Variants in SKAP1 observed in about 807,000 individuals in gnomAD.
SKAP1 encodes the protein src kinase-associated phosphoprotein 1.
Under a neutral mutation model 58.5 loss-of-function variants are expected in SKAP1, and 44 were observed. The ratio of observed to expected loss-of-function variants is 0.75; its 90% confidence interval spans 0.59 to 0.97. SKAP1 has a LOEUF of 0.97. SKAP1 is among the 50% of genes least tolerant of loss of function. The pLI is 0.00. For synonymous variants in SKAP1, 127 were observed against 149.7 expected, an observed-to-expected ratio of 0.85 and a Z score of 1.11; for missense variants, 390 against 435.2, an observed-to-expected ratio of 0.90 and a Z score of 0.92.
At chr17:48,246,332 G>A (rs2065296605) in intron 4 of SKAP1, among the ~76,000 whole-genome samples, 1 of 152,048 alleles carries the variant, frequency 6.6e-6, no homozygotes, top group South Asian at 2.1e-4. Context: ...TGTTAGACCG[G>A]ACTATTTGGT....
rs527479306 is a variant in SKAP1, at chr17:48,257,127, A to AT, written c.281-67628dup. On this transcript the variant is annotated intron_variant, in intron 4 of 12. Coordinates refer to ENST00000336915, the MANE Select transcript of SKAP1 (RefSeq NM_003726.4). ...AGAGCCTAGCTTACTGTCATTTAAA[A>AT]TTTTTTTTTTTTGTATTTTAAAAGG... Among the ~76,000 whole-genome samples, 388 of 147,714 alleles carry AT rather than the reference A, an allele frequency of 2.6e-3. 1 individual carries two copies. In the Middle Eastern group the frequency reaches 0.035, roughly 13 times the overall value.
intron 9 of SKAP1, among the ~76,000 whole-genome samples, chr17:48,171,892 C>G (rs927408010): frequency 3.9e-5 from 6 of 152,020 alleles, no homozygotes; most frequent in African/African-American, 9.7e-5. Flanking sequence ...GAAACCCCGT[C>G]TGTGCTAAAA....
intron 1 of SKAP1, among the ~76,000 whole-genome samples, chr17:48,416,727 C>T (rs2067735579): frequency 6.6e-6 from 1 of 152,170 alleles, no homozygotes; most frequent in Non-Finnish European, 1.5e-5. Context: ...AAGAAAGCAA[C>T]CTAGTTGGTA....
At chr17:48,297,724 A>T (rs1351774821) in intron 4 of SKAP1, among the ~76,000 whole-genome samples, 1 of 152,202 alleles carries the variant, frequency 6.6e-6, no homozygotes, top group Non-Finnish European at 1.5e-5. Flanking sequence ...AATGTGACAT[A>T]AAAATGTGTG....
chr17:48,390,478 C>G (rs1166592345), intron 2 of SKAP1, among the ~76,000 whole-genome samples: 1 of 152,092 alleles, frequency 6.6e-6, no homozygotes, highest in African/African-American at 2.4e-5. Context: ...AAAAAAAGGA[C>G]ACAGGATTTT....
intron 3 of SKAP1, among the ~76,000 whole-genome samples, chr17:48,348,790 T>C (rs2066756628): frequency 6.6e-6 from 1 of 152,228 alleles, no homozygotes; most frequent in Non-Finnish European, 1.5e-5. Context: ...CACTTCCACG[T>C]GATTCCTATG....
chr17:48,264,745 A>AACACACACACACACACACACAC (rs55733017), intron 4 of SKAP1, among the ~76,000 whole-genome samples: 9 of 142,752 alleles, frequency 6.3e-5, no homozygotes, highest in South Asian at 4.6e-4. Flanking sequence ...AAATCTACAA[A>AACACACACACACACACACACAC]ACACACACAC....
In SKAP1 at chr17:48,220,538, T is replaced by G. The variant is rs1238697329; in HGVS notation, c.281-31038A>C. The stretch of plus-strand genomic sequence containing the variant: ...GAAGTCAGAATAGTAGTTATTTTGG[T>G]GGAGATAACTGGGACGGGGCATAAA... On this transcript the variant is annotated intron_variant, in intron 4 of 12. Transcript: ENST00000336915. Among the ~76,000 whole-genome samples the G allele has an allele frequency of 2.6e-5, 4 of 152,052 alleles. No homozygotes were observed. The East Asian group carries it at 7.7e-4, about 29-fold the overall frequency.
At chr17:48,325,166 G>T (rs772284872) in intron 4 of SKAP1, among the ~76,000 whole-genome samples, 25 of 146,486 alleles carry the variant, frequency 1.7e-4, no homozygotes, top group Admixed American at 1.4e-3. Context: ...GGAGAATGGC[G>T]TGAACCCGGG....
At chr17:48,436,111 G>T in the SKAP1 span, among the ~76,000 whole-genome samples, 322 of 147,776 alleles carry the variant, frequency 2.2e-3, 1 homozygote, top group Non-Finnish European at 3.4e-3. Context: ...CACTCTTGTT[G>T]CCCAGGCTGG....
chr17:48,410,168 G>C (rs756730773), intron 1 of SKAP1, among the ~76,000 whole-genome samples: 11 of 152,184 alleles, frequency 7.2e-5, no homozygotes, highest in Non-Finnish European at 1.6e-4. Context: ...AATGGATGAT[G>C]AATGGTGGGT....
intron 8 of SKAP1, among the ~76,000 whole-genome samples, chr17:48,181,148 T>C (rs11079813): frequency 0.16 from 24,446 of 152,172 alleles, 2,669 homozygotes; most frequent in African/African-American, 0.3. Flanking sequence ...TTGATTAGCC[T>C]TTTAATAAAG....
chr17:48,221,649 C>T (rs1261193593), intron 4 of SKAP1, among the ~76,000 whole-genome samples: 4 of 152,052 alleles, frequency 2.6e-5, no homozygotes, highest in African/African-American at 7.2e-5. Context: ...CTGTTCGTGC[C>T]GCAAGAGAAA....
chr17:48,135,671 C>T (rs2063689048), intron 12 of SKAP1, among the ~76,000 whole-genome samples: 1 of 151,894 alleles, frequency 6.6e-6, no homozygotes, highest in African/African-American at 2.4e-5. Context: ...TTGTAGAGAC[C>T]TTCTGCCCAG....
At chr17:48,422,662 A>T (rs974567710) in intron 1 of SKAP1, among the ~76,000 whole-genome samples, 2 of 152,218 alleles carry the variant, frequency 1.3e-5, no homozygotes, top group Admixed American at 1.3e-4. Flanking sequence ...GAAAACATTA[A>T]TGTTCAAAAA....
chr17:48,224,064 G>A (rs2065038369), intron 4 of SKAP1, among the ~76,000 whole-genome samples: 1 of 55,542 alleles, frequency 1.8e-5, no homozygotes, highest in African/African-American at 7.0e-5. Flanking sequence ...AGGAGGAGGA[G>A]GAGAAGGAGG....
chr17:48,385,709 A>G (rs2067266799), intron 2 of SKAP1, among the ~76,000 whole-genome samples: 1 of 152,186 alleles, frequency 6.6e-6, no homozygotes, highest in Non-Finnish European at 1.5e-5. Flanking sequence ...AAACGAGCAG[A>G]TTCTATTTAA....
intron 4 of SKAP1, among the ~76,000 whole-genome samples, chr17:48,296,619 G>A (rs1426645184): frequency 6.6e-6 from 1 of 152,102 alleles, no homozygotes; most frequent in Non-Finnish European, 1.5e-5. Context: ...GAACTATTCA[G>A]TTAAGTGGTA....
the SKAP1 span, among the ~76,000 whole-genome samples, chr17:48,441,771 T>C: frequency 1.3e-5 from 2 of 152,198 alleles, no homozygotes; most frequent in African/African-American, 4.8e-5. Flanking sequence ...TCTGACATTA[T>C]GTCTTCTGGT....
Sources: gnomAD v4.1 joint callset for allele counts (sites outside exome capture counted in the v4.1 genomes callset) on GRCh38, gnomAD v4.1.1 for gene constraint, MANE v1.5 for transcripts, NCBI Gene and HGNC (gene_info 2026-07-23, HGNC 2026-07-21) for gene names.